Variants in PRIM2 observed in about 807,000 individuals in gnomAD.
PRIM2 encodes the protein DNA primase subunit 2.
In PRIM2, 39 loss-of-function variants were observed where a neutral mutation model predicts 67.3. The ratio of observed to expected loss-of-function variants is 0.58; its 90% confidence interval spans 0.45 to 0.76. PRIM2 has a LOEUF of 0.76. Ranked by LOEUF, PRIM2 falls within the 30% of genes least tolerant of loss-of-function variation. The pLI is 0.00. For missense variants in PRIM2, 398 were observed against 598.7 expected (o/e 0.66, Z 3.50); for synonymous variants, 143 against 198.7 (o/e 0.72, Z 2.36).
At chr6:57,408,487 T>G (rs4236151) in intron 7 of PRIM2, among the ~76,000 whole-genome samples, 1 of 152,162 alleles carries the variant, frequency 6.6e-6, no homozygotes, top group East Asian at 1.9e-4. Flanking sequence ...GTAGATTTGT[T>G]GGGGGAGTAA....
the PRIM2 span, among the ~76,000 whole-genome samples, chr6:57,294,814 CT>C: frequency 1.5e-3 from 217 of 143,866 alleles, no homozygotes; most frequent in Admixed American, 1.6e-3. Flanking sequence ...CATTTTATGA[CT>C]TTTTTTTTTT....
intron 11 of PRIM2, among the ~76,000 whole-genome samples, chr6:57,604,246 C>T (rs1582015407): frequency 6.6e-6 from 1 of 152,094 alleles, no homozygotes; most frequent in Admixed American, 6.5e-5. Flanking sequence ...GATGGCACCA[C>T]TCCACCAGGT....
At chr6:57,464,140 A>G (rs1275418907) in intron 7 of PRIM2, among the ~76,000 whole-genome samples, 1 of 151,936 alleles carries the variant, frequency 6.6e-6, no homozygotes, top group Non-Finnish European at 1.5e-5. Context: ...ACTTGTCCTT[A>G]TTATGCACAC....
At chr6:57,354,397 T>G (rs1768962654) in intron 5 of PRIM2, among the ~76,000 whole-genome samples, 1 of 152,228 alleles carries the variant, frequency 6.6e-6, no homozygotes, top group African/African-American at 2.4e-5. Flanking sequence ...TGAGAAGTGC[T>G]AAGTTTCAGC....
chr6:57,601,337 T>A lies in PRIM2; in HGVS notation c.1147+118T>A, dbSNP rs1776460407. The A allele has an allele frequency of 3.6e-6, 4 of 1,119,108 alleles. No homozygotes were observed. In the East Asian group the frequency reaches 1.1e-4, roughly 31 times the overall value. The allele number at this position is 1,119,108 out of a possible 1,614,324, so 69.3% of individuals were successfully genotyped here. ...GTCAGGACCTAGTTTGTATCTTATCTCAGTCGTCACTGTCAAGCTAGAGCT... is the reference window on the plus strand; with the variant it reads ...GTCAGGACCTAGTTTGTATCTTATCACAGTCGTCACTGTCAAGCTAGAGCT... On this transcript the variant is annotated intron_variant, in intron 11 of 13. Transcript: ENST00000615550.
At chr6:57,442,991 A>G (rs1235193518) in intron 7 of PRIM2, among the ~76,000 whole-genome samples, 1 of 152,066 alleles carries the variant, frequency 6.6e-6, no homozygotes, top group Non-Finnish European at 1.5e-5. Flanking sequence ...GAGTTCGATT[A>G]TTTTAGATTC....
chr6:57,237,024 C>A, the PRIM2 span, among the ~76,000 whole-genome samples: 1 of 152,000 alleles, frequency 6.6e-6, no homozygotes, highest in Non-Finnish European at 1.5e-5. Flanking sequence ...AGTTTACAGT[C>A]CCACCAAGAG....
intron 10 of PRIM2, among the ~76,000 whole-genome samples, chr6:57,585,497 G>T (rs1169055506): frequency 2.6e-4 from 39 of 152,294 alleles, no homozygotes; most frequent in Non-Finnish European, 4.7e-4. Context: ...AAATTACGGA[G>T]ATGAAAGAAA....
the PRIM2 span, among the ~76,000 whole-genome samples, chr6:57,235,495 T>A: frequency 6.6e-6 from 1 of 151,300 alleles, no homozygotes; most frequent in Non-Finnish European, 1.5e-5. Flanking sequence ...AATGCTTAAA[T>A]GTAGGACTGG....
At chr6:57,377,739 TTCTTTTTCC>T (rs1173641201) in intron 5 of PRIM2, among the ~76,000 whole-genome samples, 30 of 152,244 alleles carry the variant, frequency 2.0e-4, no homozygotes, top group African/African-American at 6.7e-4. Flanking sequence ...AAATTTTTTT[TTCTTTTTCC>T]TCTTTTTCCT....
intron 7 of PRIM2, among the ~76,000 whole-genome samples, chr6:57,474,335 C>T (rs1444525370): frequency 6.6e-6 from 1 of 150,988 alleles, no homozygotes; most frequent in Non-Finnish European, 1.5e-5. Flanking sequence ...CCACCATGCC[C>T]GGCTAATTTT....
At chr6:57,546,306 C>T (rs1195374163) in intron 10 of PRIM2, among the ~76,000 whole-genome samples, 12 of 151,844 alleles carry the variant, frequency 7.9e-5, no homozygotes, top group African/African-American at 2.4e-4. Context: ...TAATTGAGAA[C>T]GAAGGAATTG....
chr6:57,439,504 C>T (rs1772131514), intron 7 of PRIM2, among the ~76,000 whole-genome samples: 1 of 142,966 alleles, frequency 7.0e-6, no homozygotes, highest in Non-Finnish European at 1.5e-5. Context: ...CAAACTTTGC[C>T]TTCTGGGTTC....
intron 12 of PRIM2, among the ~76,000 whole-genome samples, chr6:57,611,131 C>T (rs1228626283): frequency 6.6e-6 from 1 of 152,192 alleles, no homozygotes; most frequent in African/African-American, 2.4e-5. Context: ...TCGAAGGATA[C>T]TAACTCAATA....
chr6:57,285,283 C>T, the PRIM2 span, among the ~76,000 whole-genome samples: 2 of 152,170 alleles, frequency 1.3e-5, no homozygotes, highest in Non-Finnish European at 2.9e-5. Context: ...ATGAGGCCAG[C>T]ATCATCCTGG....
At chr6:57,230,554 C>T in the PRIM2 span, among the ~76,000 whole-genome samples, 1 of 152,190 alleles carries the variant, frequency 6.6e-6, no homozygotes, top group African/African-American at 2.4e-5. Context: ...AGCATCGTTA[C>T]AGGAACAGGG....
the PRIM2 span, among the ~76,000 whole-genome samples, chr6:57,261,529 CAG>C: frequency 2.0e-5 from 3 of 152,152 alleles, no homozygotes; most frequent in African/African-American, 7.2e-5. Flanking sequence ...AGAGCGGGGA[CAG>C]GGGATAAATC....
chr6:57,401,076 A>G (rs1275794240), intron 7 of PRIM2, among the ~76,000 whole-genome samples: 1 of 152,076 alleles, frequency 6.6e-6, no homozygotes, highest in Non-Finnish European at 1.5e-5. Context: ...ATTCCTGTCC[A>G]TATTTTGAAC....
the PRIM2 span, among the ~76,000 whole-genome samples, chr6:57,302,887 T>C: frequency 7.2e-5 from 11 of 152,176 alleles, no homozygotes; most frequent in Admixed American, 5.9e-4. Flanking sequence ...TGCAGGTGCA[T>C]TTATTCTATG....
Sources: allele counts gnomAD v4.1 joint callset (sites outside exome capture counted in the v4.1 genomes callset), GRCh38; gene constraint gnomAD v4.1.1; transcripts MANE v1.5; gene names NCBI Gene and HGNC (gene_info 2026-07-23, HGNC 2026-07-21).